Variants in DNAH14 observed in about 807,000 individuals in gnomAD.
DNAH14 encodes the protein axonemal beta dynein heavy chain 14.
A neutral mutation model predicts 520.9 loss-of-function variants in DNAH14; 478 were observed. That is an observed-to-expected ratio of 0.92 (90% CI 0.85 to 0.99). The LOEUF is 0.99. Among genes scored for constraint, DNAH14 ranks in the 50% least tolerant of loss-of-function variants. The pLI is 0.00. For synonymous variants in DNAH14, 1,581 were observed against 1,757.2 expected, an observed-to-expected ratio of 0.90 and a Z score of 2.51; for missense variants, 4,831 against 5,234.5, an observed-to-expected ratio of 0.92 and a Z score of 2.38.
intron 11 of DNAH14, among the ~76,000 whole-genome samples, chr1:225,038,079 C>G (rs1408620301): frequency 6.6e-6 from 1 of 152,122 alleles, no homozygotes; most frequent in Non-Finnish European, 1.5e-5. Flanking sequence ...CTTTTTCTTT[C>G]AGATTGAAGC....
intron 52 of DNAH14, among the ~76,000 whole-genome samples, chr1:225,274,947 T>G (rs2093429685): frequency 6.6e-6 from 1 of 152,240 alleles, no homozygotes; most frequent in African/African-American, 2.4e-5. Context: ...GACATATCAT[T>G]ACTCACTTTA....
At position 225,300,863 on chromosome 1, in the gene DNAH14, C is replaced by T. The variant is rs907014100; in HGVS notation, c.8470-6C>T. 3.9e-5 allele frequency: 61 copies of T among 1,550,096 alleles called. No homozygotes were observed. In the Admixed American group the frequency reaches 1.2e-3, roughly 30 times the overall value. ...TCTTCCTCATTAAATATGTGTTTTGCCTAAGGACTCATTTTTAGAAGATTT... is the reference window on the plus strand; with the variant it reads ...TCTTCCTCATTAAATATGTGTTTTGTCTAAGGACTCATTTTTAGAAGATTT... On this transcript the variant is annotated splice_region_variant and splice_polypyrimidine_tract_variant and intron_variant, in intron 55 of 85. Coordinates refer to ENST00000682510, the MANE Select transcript of DNAH14 (RefSeq NM_001367479.1).
intron 23 of DNAH14, among the ~76,000 whole-genome samples, chr1:225,102,733 G>C (rs925120677): frequency 1.3e-5 from 2 of 152,056 alleles, no homozygotes; most frequent in Non-Finnish European, 2.9e-5. Context: ...TTTTTGATGG[G>C]GTTGTTTGTT....
intron 69 of DNAH14, among the ~76,000 whole-genome samples, chr1:225,344,490 T>C (rs1222664855): frequency 2.6e-5 from 4 of 152,144 alleles, no homozygotes; most frequent in African/African-American, 9.7e-5. Flanking sequence ...TTTAGTTTTG[T>C]GTTTCTGTGT....
rs950210 is a variant in DNAH14 at position 225,381,539 on chromosome 1, T to G, written c.13037T>G (p.Phe4346Cys). 0.63 allele frequency: 969,114 copies of G among 1,538,778 alleles called. 313,741 individuals are homozygous for G. Among genetic ancestry groups the G allele is most frequent in the East Asian group, 0.78 (31,851 of 40,816 alleles). Residue 4346 changes from phenylalanine (F) to cysteine (C), a missense_variant, in exon 81 of 86, where the codon TTT (phenylalanine) becomes TGT (cysteine). Physicochemically the swap from Phe to Cys is radical, Grantham distance 205. Transcript: ENST00000682510. ...CTCACCCAAGAATTGGAGGAAATAT[T>G]TAACTCTTTTCTTAATATGAGAGTG... ...IILTQELEEI[F>C]NSFLNMRVPT...
chr1:225,250,737 A>G, intron 43 of DNAH14: 1 of 511,542 alleles, frequency 2.0e-6, no homozygotes, highest in Non-Finnish European at 3.6e-6. Flanking sequence ...TTTCTGCAGG[A>G]AGGAATGGGC....
chr1:225,185,947 T>TTC (rs1491578382), intron 37 of DNAH14, among the ~76,000 whole-genome samples: 3 of 1,310 alleles, frequency 2.3e-3, no homozygotes, highest in Non-Finnish European at 0.01. Flanking sequence ...TTACACTTTG[T>TTC]TTTTTTTTTT....
chr1:225,335,870 C>CACATATGTACATATATGT, intron 66 of DNAH14, among the ~76,000 whole-genome samples: 1 of 48,920 alleles, frequency 2.0e-5, no homozygotes, highest in Non-Finnish European at 3.8e-5. Context: ...TATGTACATA[C>CACATATGTACATATATGT]ACATATACAT....
intron 8 of DNAH14, among the ~76,000 whole-genome samples, chr1:224,988,108 G>A (rs1291760619): frequency 6.6e-6 from 1 of 151,820 alleles, no homozygotes; most frequent in Non-Finnish European, 1.5e-5. Context: ...CTGTGTCCAT[G>A]CGTTATCATT....
At chr1:225,058,366 T>G (rs1156329556) in intron 17 of DNAH14, among the ~76,000 whole-genome samples, 1 of 152,160 alleles carries the variant, frequency 6.6e-6, no homozygotes, top group African/African-American at 2.4e-5. Flanking sequence ...TCTGTGGGAT[T>G]GGTGGTGATA....
At chr1:225,144,958 CGAAA>C (rs1239401140) in intron 29 of DNAH14, among the ~76,000 whole-genome samples, 1 of 149,780 alleles carries the variant, frequency 6.7e-6, no homozygotes, top group African/African-American at 2.5e-5. Context: ...AAAGTGAGAC[CGAAA>C]GAGAGGGACA....
chr1:225,139,760 A>C (rs16844321), intron 27 of DNAH14, among the ~76,000 whole-genome samples: 19,095 of 152,156 alleles, frequency 0.13, 3,698 homozygotes, highest in African/African-American at 0.42. Context: ...TTCTCTCCTG[A>C]GGCTGCAAAT....
In DNAH14 at chr1:224,955,238, G is replaced by A. The variant is rs2060436123; in HGVS notation, c.217+140G>A. 10 of 872,730 alleles carry A rather than the reference G, an allele frequency of 1.1e-5. No homozygotes were observed. The South Asian group carries it at 1.6e-4, about 14-fold the overall frequency. 54.1% of individuals were successfully genotyped at this position (872,730 alleles called of 1,614,324 possible). On this transcript the variant is annotated intron_variant, in intron 3 of 85. Coordinates refer to ENST00000682510, the MANE Select transcript of DNAH14 (RefSeq NM_001367479.1). ...AGTGTCTATTTTACTAACTTCATTA[G>A]TTATAGCAGTTAGCAGTGTCTTCAA...
chr1:225,246,609 C>A (rs1424708381), intron 43 of DNAH14, among the ~76,000 whole-genome samples: 1 of 152,066 alleles, frequency 6.6e-6, no homozygotes, highest in Non-Finnish European at 1.5e-5. Context: ...ATTTATGTGG[C>A]CAACAAACAT....
chr1:225,282,691 G>A (rs958044418), intron 54 of DNAH14, among the ~76,000 whole-genome samples: 1 of 152,194 alleles, frequency 6.6e-6, no homozygotes, highest in Admixed American at 6.5e-5. Flanking sequence ...GAGGGCTGAA[G>A]TATTTGGCCC....
At chr1:224,945,569 A>G (rs1160933570) in intron 1 of DNAH14, among the ~76,000 whole-genome samples, 1 of 152,134 alleles carries the variant, frequency 6.6e-6, no homozygotes, top group Non-Finnish European at 1.5e-5. Context: ...AGGCACTCTG[A>G]TTTCTAGAGT....
At chr1:225,089,748 T>A (rs538751571) in intron 21 of DNAH14, among the ~76,000 whole-genome samples, 2 of 152,290 alleles carry the variant, frequency 1.3e-5, no homozygotes, top group East Asian at 1.9e-4. Context: ...CAGTACATTT[T>A]AAAAAATTTT....
At chr1:225,176,967 G>A (rs61851479) in intron 36 of DNAH14, among the ~76,000 whole-genome samples, 17,364 of 152,168 alleles carry the variant, frequency 0.11, 1,181 homozygotes, top group East Asian at 0.31. Flanking sequence ...CTTTGGATCT[G>A]GGTAACAGGC....
At position 225,272,020 on chromosome 1, in the gene DNAH14, T is replaced by A. The variant is rs1404815928; in HGVS notation, c.7786T>A (p.Leu2596Ile). The A allele has an allele frequency of 6.4e-7, 1 of 1,550,876 alleles. No individual in the cohort carries two copies. The highest frequency in any genetic ancestry group is 1.4e-5 in the African/African-American group (1 of 73,162). ...ATACCATCAAGTACGTCAGAATATG[T>A]TACCAACTCCAACAAAATGTCACTA... is the stretch of plus-strand genomic sequence containing the variant. ...AIYHQVRQNM[L>I]PTPTKCHYMF... The change falls in exon 51 of 86, where the codon TTA (leucine) becomes ATA (isoleucine). Residue 2596 changes from leucine (L) to isoleucine (I), a missense_variant. Coordinates refer to ENST00000682510, the MANE Select transcript of DNAH14 (RefSeq NM_001367479.1).
Sources: gnomAD v4.1 joint callset for allele counts (sites outside exome capture counted in the v4.1 genomes callset) on GRCh38, gnomAD v4.1.1 for gene constraint, MANE v1.5 for transcripts, NCBI Gene and HGNC (gene_info 2026-07-23, HGNC 2026-07-21) for gene names.